The following TSHZ2 variants were observed in gnomAD, a reference collection of about 807,000 sequenced individuals.
TSHZ2 encodes teashirt homolog 2.
In TSHZ2, 21 loss-of-function variants were observed where a neutral mutation model predicts 74.4. That is an observed-to-expected ratio of 0.28 (90% confidence interval 0.20 to 0.41). The LOEUF (loss-of-function observed/expected upper bound fraction) is 0.41. Among genes scored for constraint, TSHZ2 ranks in the 10% least tolerant of loss-of-function variants. The probability of loss-of-function intolerance (pLI) is 1.00; values close to 1 mark genes in which losing one functional copy is unlikely to be tolerated. For missense variants in TSHZ2, 1,244 were observed against 1,293.5 expected, an observed-to-expected ratio of 0.96 and a Z score of 0.59; for synonymous variants, 540 against 515.3, an observed-to-expected ratio of 1.05 and a Z score of -0.65.
intron 1 of TSHZ2, among the ~76,000 whole-genome samples, chr20:53,159,556 G>C (rs1050691490): frequency 6.6e-6 from 1 of 151,834 alleles, no homozygotes; most frequent in African/African-American, 2.4e-5. Context: ...ATAGTTCATG[G>C]AACACACATA....
At chr20:53,193,558 A>T (rs890218360) in intron 1 of TSHZ2, among the ~76,000 whole-genome samples, 4 of 152,176 alleles carry the variant, frequency 2.6e-5, no homozygotes, top group African/African-American at 9.7e-5. Flanking sequence ...TGTCTCGTTC[A>T]TCACTGTTCC....
At position 53,074,741 on chromosome 20, in the gene TSHZ2, C is replaced by T. The variant is rs946448011; in HGVS notation, c.40+101408C>T. 6.6e-6 allele frequency among the ~76,000 whole-genome samples: 1 copy of T among 152,178 alleles called. No homozygotes were observed. On this transcript the variant is annotated intron_variant, in intron 1 of 2. Coordinates refer to ENST00000371497, the MANE Select transcript of TSHZ2 (RefSeq NM_173485.6). This position sits in a 1 kb window ranked among gnomAD's most constrained non-coding sequence, Gnocchi z 5.9. Reference sequence around the variant, plus strand: ...TGAATTTTAAAGAAAAATTCAGGCACATCTACTCTGTGCCAGGGAAGGTGC... The same window carrying T: ...TGAATTTTAAAGAAAAATTCAGGCATATCTACTCTGTGCCAGGGAAGGTGC...
At chr20:53,279,034 G>C (rs1447141511) in intron 2 of TSHZ2, among the ~76,000 whole-genome samples, 1 of 152,206 alleles carries the variant, frequency 6.6e-6, no homozygotes, top group African/African-American at 2.4e-5. Flanking sequence ...AAGTAAGCTA[G>C]AGAAAAGAAA....
chr20:53,401,687 C>T (rs1172531762), intron 2 of TSHZ2, among the ~76,000 whole-genome samples: 8 of 151,446 alleles, frequency 5.3e-5, no homozygotes, highest in Admixed American at 5.3e-4. Flanking sequence ...GAATAATGGT[C>T]TCCAATTCAC....
At chr20:53,233,770 A>G (rs1363181005) in intron 1 of TSHZ2, among the ~76,000 whole-genome samples, 1 of 152,222 alleles carries the variant, frequency 6.6e-6, no homozygotes. Context: ...AAATTCAGAC[A>G]TTATTAAATA....
chr20:53,019,040 A>C (rs1446761265), intron 1 of TSHZ2, among the ~76,000 whole-genome samples: 1 of 152,204 alleles, frequency 6.6e-6, no homozygotes, highest in Non-Finnish European at 1.5e-5. Context: ...TACAAATCTA[A>C]ACATTGGGAG....
intron 1 of TSHZ2, among the ~76,000 whole-genome samples, chr20:53,012,542 C>G (rs1293644873): frequency 6.6e-6 from 1 of 152,082 alleles, no homozygotes; most frequent in Non-Finnish European, 1.5e-5. Context: ...TTCCAGAACC[C>G]CAAGCAGCTG....
chr20:53,149,889 T>A (rs1987635054), intron 1 of TSHZ2, among the ~76,000 whole-genome samples: 1 of 152,182 alleles, frequency 6.6e-6, no homozygotes, highest in African/African-American at 2.4e-5. Flanking sequence ...GCAGCTTCTC[T>A]CCTCTTGGCA....
intron 2 of TSHZ2, among the ~76,000 whole-genome samples, chr20:53,262,862 C>T (rs1990630870): frequency 6.6e-6 from 1 of 152,118 alleles, no homozygotes; most frequent in Non-Finnish European, 1.5e-5. Flanking sequence ...GTGAGGCTCA[C>T]CTGGAGGGAA....
chr20:53,069,662 TACACACACACACAC>T (rs11471151), intron 1 of TSHZ2, among the ~76,000 whole-genome samples: 28,035 of 138,836 alleles, frequency 0.2, 3,266 homozygotes, highest in East Asian at 0.32. Context: ...AATGCTTTGA[TACACACACACACAC>T]ACACACACAC....
chr20:53,210,724 G>C (rs548595479), intron 1 of TSHZ2, among the ~76,000 whole-genome samples: 7 of 151,986 alleles, frequency 4.6e-5, no homozygotes, highest in Non-Finnish European at 1.0e-4. Context: ...GGCTTGATGG[G>C]GGGGCTCTTT....
At chr20:53,267,101 C>G (rs574250401) in intron 2 of TSHZ2, among the ~76,000 whole-genome samples, 30 of 152,292 alleles carry the variant, frequency 2.0e-4, no homozygotes, top group African/African-American at 7.2e-4. Flanking sequence ...TATAACCACA[C>G]AGGTAAACGT....
intron 1 of TSHZ2, among the ~76,000 whole-genome samples, chr20:53,045,481 G>A (rs1056782143): frequency 6.6e-6 from 1 of 152,178 alleles, no homozygotes; most frequent in African/African-American, 2.4e-5. Flanking sequence ...CAATATGCAT[G>A]GTGTAGGAAA....
intron 1 of TSHZ2, among the ~76,000 whole-genome samples, chr20:53,091,538 G>A (rs1985885845): frequency 6.6e-6 from 1 of 152,152 alleles, no homozygotes; most frequent in African/African-American, 2.4e-5. Context: ...ATTAAAATTT[G>A]CAATATGATT....
chr20:53,227,598 CAA>C (rs1204453982), intron 1 of TSHZ2, among the ~76,000 whole-genome samples: 1 of 152,064 alleles, frequency 6.6e-6, no homozygotes, highest in Non-Finnish European at 1.5e-5. Context: ...CAGTTTCTAT[CAA>C]ACTGAAGGGT....
chr20:53,046,786 G>C (rs1600664036), intron 1 of TSHZ2, among the ~76,000 whole-genome samples: 1 of 152,168 alleles, frequency 6.6e-6, no homozygotes, highest in African/African-American at 2.4e-5. Context: ...TCTGTTACCT[G>C]TCTACAAAGT....
chr20:53,095,164 G>A (rs1986001831), intron 1 of TSHZ2, among the ~76,000 whole-genome samples: 1 of 152,108 alleles, frequency 6.6e-6, no homozygotes, highest in Admixed American at 6.5e-5. Flanking sequence ...ACATCACAAA[G>A]GTTTGGTTTC....
chr20:53,458,394 T>A (rs1394297977), intron 2 of TSHZ2, among the ~76,000 whole-genome samples: 2 of 152,172 alleles, frequency 1.3e-5, no homozygotes, highest in Admixed American at 6.5e-5. Flanking sequence ...TTCTGTGGGA[T>A]CAGTGGTGAT....
intron 2 of TSHZ2, among the ~76,000 whole-genome samples, chr20:53,284,644 G>T (rs1234487257): frequency 6.6e-6 from 1 of 152,008 alleles, no homozygotes; most frequent in East Asian, 1.9e-4. Flanking sequence ...TTATCAAATT[G>T]CCAAAAACAC....
Sources: gnomAD v4.1 joint callset for allele counts (sites outside exome capture counted in the v4.1 genomes callset) on GRCh38, gnomAD v4.1.1 for gene constraint, Gnocchi (gnomAD v3.1) non-coding constraint, MANE v1.5 for transcripts, NCBI Gene and HGNC (gene_info 2026-07-23, HGNC 2026-07-21) for gene names.